NT5C2: variants seen among roughly 807,000 people sequenced by gnomAD.
NT5C2 encodes the protein cytosolic purine 5'-nucleotidase.
A neutral mutation model predicts 76.1 loss-of-function variants in NT5C2; 58 were observed. The observed-to-expected ratio is 0.76, with a 90% CI of 0.62 to 0.95. The LOEUF (loss-of-function observed/expected upper bound fraction) is 0.95. Among genes scored for constraint, NT5C2 ranks in the 40% least tolerant of loss-of-function variants. The pLI is 0.00. For synonymous variants in NT5C2, 229 were observed against 237.4 expected (o/e 0.96, Z 0.32); for missense variants, 478 against 690.3 (o/e 0.69, Z 3.45).
intron 3 of NT5C2, among the ~76,000 whole-genome samples, chr10:103,158,865 C>T (rs985438106): frequency 1.7e-4 from 26 of 150,464 alleles, no homozygotes; most frequent in Middle Eastern, 3.2e-3. Flanking sequence ...TACTACTGAC[C>T]TCACAGAAAT....
intron 3 of NT5C2, among the ~76,000 whole-genome samples, chr10:103,170,697 G>GT (rs375598413): frequency 0.043 from 6,291 of 147,574 alleles, 216 homozygotes; most frequent in South Asian, 0.12. Flanking sequence ...TAATTTTTAT[G>GT]TTTTTTTTTT....
chr10:103,192,409 CTG>C (rs904525319), intron 1 of NT5C2, among the ~76,000 whole-genome samples: 3 of 152,226 alleles, frequency 2.0e-5, no homozygotes, highest in Non-Finnish European at 4.4e-5. Context: ...CCTCTACCTG[CTG>C]CTTTTAGAAG....
rs575064889 is a variant in NT5C2 at position 103,132,684 on chromosome 10, T to G, written c.175+6722A>C. 1.2e-4 allele frequency among the ~76,000 whole-genome samples: 19 copies of G among 152,116 alleles called. No homozygotes were observed. The South Asian group carries it at 4.0e-3, about 32-fold the overall frequency. ...CCTCAGCCTCCTGAGTAGCTGGGAC[T>G]CGGTACAGGCGCCCGCCACCACGCC... is the stretch of plus-strand genomic sequence containing the variant. On this transcript the variant is annotated intron_variant, in intron 4 of 18. Transcript: ENST00000404739.
In NT5C2 at chr10:103,150,585, G is replaced by T. The variant is rs1421323295; in HGVS notation, c.102-11106C>A. 2.0e-5 allele frequency among the ~76,000 whole-genome samples: 3 copies of T among 152,120 alleles called. No homozygotes were observed. The East Asian group carries it at 5.8e-4, about 29-fold the overall frequency. On this transcript the variant is annotated intron_variant, in intron 3 of 18. Coordinates refer to ENST00000404739, the MANE Select transcript of NT5C2 (RefSeq NM_001351169.2). ...GTTAAGCATATGTTTAACTTAAAAA[G>T]ACATTGCCAAAACTCTTTTCTCTTT...
intron 2 of NT5C2, among the ~76,000 whole-genome samples, chr10:103,177,607 G>C (rs1235136614): frequency 6.7e-6 from 1 of 149,746 alleles, no homozygotes; most frequent in Non-Finnish European, 1.5e-5. Flanking sequence ...CTGTAACCCT[G>C]AACTCCTGGA....
intron 3 of NT5C2, among the ~76,000 whole-genome samples, chr10:103,156,861 T>C (rs2083518319): frequency 6.6e-6 from 1 of 150,822 alleles, no homozygotes; most frequent in African/African-American, 2.4e-5. Flanking sequence ...ATGGAGACCA[T>C]CCTGGCTAGC....
At chr10:103,143,010 TAGAAAAGAGAAA>T (rs2080803991) in intron 3 of NT5C2, among the ~76,000 whole-genome samples, 1 of 143,742 alleles carries the variant, frequency 7.0e-6, no homozygotes, top group East Asian at 2.0e-4. Flanking sequence ...AAAAGAAGAA[TAGAAAAGAGAAA>T]AGAAAAGAGG....
chr10:103,089,557 A>C lies in NT5C2; in HGVS notation c.*115T>G. On this transcript the variant is annotated 3_prime_UTR_variant, in exon 19 of 19. Coordinates refer to ENST00000404739, the MANE Select transcript of NT5C2 (RefSeq NM_001351169.2). The stretch of plus-strand genomic sequence containing the variant: ...AAATCTTCAGAAACTTTTCAGACGT[A>C]CCTTTCATGGAGCCCCCTCCCTCCC... 7.0e-7 allele frequency: 1 copy of C among 1,421,626 alleles called. No individual in the cohort carries two copies. 88.1% of individuals were successfully genotyped at this position (1,421,626 alleles called of 1,614,324 possible).
intron 3 of NT5C2, among the ~76,000 whole-genome samples, chr10:103,142,504 C>CCACAAAAAA (rs2080646903): frequency 6.6e-6 from 1 of 151,868 alleles, no homozygotes; most frequent in South Asian, 2.1e-4. Flanking sequence ...AACCCCGTCT[C>CCACAAAAAA]CACAAAAAAT....
At chr10:103,143,602 A>ATTTT (rs67395221) in intron 3 of NT5C2, among the ~76,000 whole-genome samples, 16 of 53,862 alleles carry the variant, frequency 3.0e-4, no homozygotes, top group Admixed American at 7.6e-4. Context: ...ATGTCCAGCT[A>ATTTT]TTTTTTTTTT....
rs566633162 is a variant in NT5C2, at chr10:103,183,367, C to A, written c.-168-2039G>T. Among the ~76,000 whole-genome samples, 367 of 131,420 alleles carry A rather than the reference C, an allele frequency of 2.8e-3. 1 individual carries two copies. The highest frequency in any genetic ancestry group is 9.5e-3 in the Middle Eastern group (2 of 210). The allele number at this position is 131,420 out of a possible 152,430, so 86.2% of individuals were successfully genotyped here. On this transcript the variant is annotated intron_variant, in intron 1 of 18. Transcript: ENST00000404739. ...TTTTTTTTTTAACAATCTATCCCTC[C>A]TTCTTGGAATTACTAGTTTTAAACT...
At chr10:103,115,138 C>G (rs1472213647) in intron 4 of NT5C2, among the ~76,000 whole-genome samples, 3 of 152,204 alleles carry the variant, frequency 2.0e-5, no homozygotes, top group Non-Finnish European at 1.5e-5. Context: ...CGGTGGCTCA[C>G]GCCTATAACC....
At chr10:103,183,253 TGTGTGTGTG>T (rs2091407292) in intron 1 of NT5C2, among the ~76,000 whole-genome samples, 1 of 90,812 alleles carries the variant, frequency 1.1e-5, no homozygotes, top group Non-Finnish European at 2.1e-5. Flanking sequence ...TATATATATG[TGTGTGTGTG>T]ATATATATAT....
chr10:103,172,476 T>C (rs2088428132), intron 3 of NT5C2, among the ~76,000 whole-genome samples: 1 of 151,744 alleles, frequency 6.6e-6, no homozygotes, highest in African/African-American at 2.4e-5. Flanking sequence ...CTCGATCTCC[T>C]GACCTTGTGA....
intron 16 of NT5C2, 31 bp downstream of exon 16, chr10:103,091,532 GT>G: frequency 6.4e-7 from 1 of 1,556,988 alleles, no homozygotes; most frequent in Admixed American, 1.7e-5. Context: ...TCCTGAGTAA[GT>G]TTTTGGGAAA....
chr10:103,137,204 T>C (rs1173427388), intron 4 of NT5C2, among the ~76,000 whole-genome samples: 2 of 144,972 alleles, frequency 1.4e-5, no homozygotes, highest in Admixed American at 1.4e-4. Flanking sequence ...GCTAGAATCT[T>C]GAAAGAAGAG....
At chr10:103,100,739 T>C (rs180854863) in intron 8 of NT5C2, 1 of 550,348 alleles carries the variant, frequency 1.8e-6, no homozygotes, top group Admixed American at 2.2e-5. Context: ...GGACAGATAA[T>C]CATCACACAA....
chr10:103,133,361 G>A lies in NT5C2; in HGVS notation c.175+6045C>T, dbSNP rs572995338. On this transcript the variant is annotated intron_variant, in intron 4 of 18. Coordinates refer to ENST00000404739, the MANE Select transcript of NT5C2 (RefSeq NM_001351169.2). The stretch of plus-strand genomic sequence containing the variant: ...CAGCTCACCGCAATCTCCACCTCCC[G>A]GGTTCAAGTTATTCTCCTACCTCCC... Among the ~76,000 whole-genome samples the A allele has an allele frequency of 8.5e-5, 13 of 152,096 alleles. No individual in the cohort carries two copies. The South Asian group carries it at 2.1e-3, about 24-fold the overall frequency.
Position 103,089,465 on chromosome 10 carries a change from A to T in NT5C2, c.*207T>A, listed in dbSNP as rs1449770745. ...CTTATTTTCTTCTAATACAGACTCC[A>T]TTACAATTTTGGACCATCTGCAGAG... On this transcript the variant is annotated 3_prime_UTR_variant, in exon 19 of 19. Transcript: ENST00000404739. The T allele has an allele frequency of 2.6e-6, 2 of 778,554 alleles. No homozygotes were observed. Among genetic ancestry groups the T allele is most frequent in the East Asian group, 6.2e-5 (2 of 32,438 alleles). 48.2% of individuals were successfully genotyped at this position (778,554 alleles called of 1,614,324 possible). A position where few individuals can be genotyped will look rare whatever the true frequency, so the allele number is the denominator to read the frequency against.
Sources: gnomAD v4.1 joint callset for allele counts (sites outside exome capture counted in the v4.1 genomes callset) on GRCh38, gnomAD v4.1.1 for gene constraint, MANE v1.5 for transcripts, NCBI Gene and HGNC (gene_info 2026-07-23, HGNC 2026-07-21) for gene names.